Variants in GRIK5 observed in about 807,000 individuals in gnomAD.
The protein encoded by GRIK5 is glutamate receptor ionotropic, kainate 5.
A neutral mutation model predicts 97.4 loss-of-function variants in GRIK5; 43 were observed. That is an observed-to-expected ratio of 0.44 (90% CI 0.35 to 0.57). The LOEUF (loss-of-function observed/expected upper bound fraction) is 0.57, where lower values mean the gene tolerates loss of function less well. GRIK5 is among the 20% of genes least tolerant of loss of function. The pLI, the probability that GRIK5 is intolerant of heterozygous loss-of-function variation, is 0.01. For missense variants in GRIK5, 1,015 were observed against 1,382.0 expected, an observed-to-expected ratio of 0.73 and a Z score of 4.21; for synonymous variants, 580 against 583.5, an observed-to-expected ratio of 0.99 and a Z score of 0.09.
intron 12 of GRIK5, among the ~76,000 whole-genome samples, chr19:42,035,233 G>A (rs900770245): frequency 4.6e-5 from 7 of 151,624 alleles, no homozygotes; most frequent in Non-Finnish European, 1.0e-4. Context: ...CGCCCACCTC[G>A]GCCTCCCAAA....
At chr19:42,036,857 C>T (rs894098591) in intron 12 of GRIK5, among the ~76,000 whole-genome samples, 1 of 152,206 alleles carries the variant, frequency 6.6e-6, no homozygotes, top group East Asian at 1.9e-4. Flanking sequence ...TGGGTATTGT[C>T]TTGGTCATGC....
At chr19:42,051,370 G>C (rs1437425715) in intron 11 of GRIK5, among the ~76,000 whole-genome samples, 1 of 151,980 alleles carries the variant, frequency 6.6e-6, no homozygotes, top group Admixed American at 6.5e-5. Context: ...AGAGGCCCTC[G>C]CTCCCACACC....
intron 11 of GRIK5, among the ~76,000 whole-genome samples, chr19:42,048,713 G>T (rs1396960676): frequency 1.3e-5 from 2 of 151,974 alleles, no homozygotes; most frequent in Non-Finnish European, 2.9e-5. Flanking sequence ...AAAAAGACAT[G>T]AATAGGAACC....
chr19:42,015,654 A>G (rs979769772), intron 15 of GRIK5, among the ~76,000 whole-genome samples: 1 of 152,196 alleles, frequency 6.6e-6, no homozygotes, highest in Non-Finnish European at 1.5e-5. Flanking sequence ...GGCACACAGC[A>G]AGTGCTATGC....
intron 11 of GRIK5, among the ~76,000 whole-genome samples, chr19:42,047,753 TGAGGTCAGGAGTTCAAGA>T (rs1366624109): frequency 1.3e-5 from 2 of 151,944 alleles, no homozygotes; most frequent in East Asian, 3.9e-4. Context: ...GTGGATTACT[TGAGGTCAGGAGTTCAAGA>T]CCAGCCTGGC....
In GRIK5 at chr19:42,006,708, C is replaced by T. The variant is rs1447458663; in HGVS notation, c.1974G>A (p.Leu658=). The part of the protein sequence containing the change: ...MEVPVESADD[L]ADQTNIEYGT... ...CATACTCGATGTTGGTCTGATCTGC[C>T]AGGTCATCGGCCGACTCCACAGGCA... Residue 658 remains leucine (L), a synonymous_variant, in exon 16 of 20, where the codon CTG becomes CTA. Transcript: ENST00000593562. The surrounding 1 kb of genome is among the most constrained non-coding windows in gnomAD (Gnocchi z 5.3). The T allele has an allele frequency of 2.5e-6, 4 of 1,613,958 alleles. No individual in the cohort carries two copies. Among genetic ancestry groups the T allele is most frequent in the Non-Finnish European group, 3.4e-6 (4 of 1,180,006 alleles).
chr19:42,019,232 C>T (rs1487404744), intron 15 of GRIK5, among the ~76,000 whole-genome samples: 2 of 152,062 alleles, frequency 1.3e-5, no homozygotes, highest in African/African-American at 4.8e-5. Context: ...GTCTCCTAGG[C>T]GCCCTCCCAG....
chr19:42,049,612 C>T (rs1441100499), intron 11 of GRIK5, among the ~76,000 whole-genome samples: 2 of 152,086 alleles, frequency 1.3e-5, no homozygotes, highest in Non-Finnish European at 2.9e-5. Context: ...GGGGGTTAGC[C>T]TTGGAGGGTT....
intron 6 of GRIK5, among the ~76,000 whole-genome samples, chr19:42,057,306 CACTTAGA>C (rs1408253617): frequency 6.6e-6 from 1 of 151,914 alleles, no homozygotes; most frequent in Non-Finnish European, 1.5e-5. Flanking sequence ...CTCATGAAGG[CACTTAGA>C]AGATTTCCTT....
At chr19:42,043,340 G>C (rs894622510) in intron 11 of GRIK5, among the ~76,000 whole-genome samples, 30 of 151,964 alleles carry the variant, frequency 2.0e-4, no homozygotes, top group Non-Finnish European at 3.7e-4. Flanking sequence ...CCCTCACCAG[G>C]GTTTAGCTCC....
rs2075483032 is a variant in GRIK5, at chr19:42,005,865, C to T, written c.2121G>A (p.Glu707=). Residue 707 remains glutamate (E), a synonymous_variant, in exon 17 of 20, where the codon GAG becomes GAA. Coordinates refer to ENST00000593562, the MANE Select transcript of GRIK5 (RefSeq NM_002088.5). ...GGGAGTTGAGGACGCGGGCAATGCC[C>T]TCTTCTGTGCTCTTGACGAACACGC... ...QPSVFVKSTE[E]GIARVLNSRY... 6.2e-7 allele frequency: 1 copy of T among 1,611,364 alleles called. No homozygotes were observed. The highest frequency in any genetic ancestry group is 1.3e-5 in the African/African-American group (1 of 74,878).
intron 8 of GRIK5, among the ~76,000 whole-genome samples, chr19:42,054,734 G>T (rs1003724378): frequency 3.3e-5 from 5 of 152,190 alleles, no homozygotes; most frequent in Non-Finnish European, 5.9e-5. Flanking sequence ...ATCTCTCAGA[G>T]GGTGCCTGGA....
chr19:42,044,919 T>C (rs1244384668), intron 11 of GRIK5, among the ~76,000 whole-genome samples: 1 of 152,222 alleles, frequency 6.6e-6, no homozygotes, highest in Non-Finnish European at 1.5e-5. Flanking sequence ...GCCTGGGAGA[T>C]GGAGCGAGAC....
intron 15 of GRIK5, among the ~76,000 whole-genome samples, chr19:42,013,607 T>C (rs1452923567): frequency 6.6e-6 from 1 of 151,962 alleles, no homozygotes; most frequent in Non-Finnish European, 1.5e-5. Context: ...AGACAGGGTT[T>C]CACCATGTTA....
At chr19:42,017,191 T>G (rs1251294343) in intron 15 of GRIK5, among the ~76,000 whole-genome samples, 1 of 152,226 alleles carries the variant, frequency 6.6e-6, no homozygotes, top group Non-Finnish European at 1.5e-5. Context: ...ATTTGTCAAC[T>G]ATTTCGATGT....
Position 42,003,305 on chromosome 19 carries a change from G to GGCCCCCCCCCCCCCCC in GRIK5, c.2514+26_2514+27insGGGGGGGGGGGGGGGC. On this transcript the variant is annotated intron_variant, in intron 19 of 19. Coordinates refer to ENST00000593562, the MANE Select transcript of GRIK5 (RefSeq NM_002088.5). This position sits in a 1 kb window ranked among gnomAD's most constrained non-coding sequence, Gnocchi z 4.2. ...TCAGCCCCTGGGGGTCCCTGTTCCT[G>GGCCCCCCCCCCCCCCC]CCCACCCCCACCCCCAGCCTCCTCA... is the stretch of plus-strand genomic sequence containing the variant. The GGCCCCCCCCCCCCCCC allele has an allele frequency of 1.3e-6, 2 of 1,540,746 alleles. No individual in the cohort carries two copies. The highest frequency in any genetic ancestry group is 1.8e-6 in the Non-Finnish European group (2 of 1,118,206).
chr19:42,066,874 G>C (rs2076340770), intron 1 of GRIK5, among the ~76,000 whole-genome samples: 1 of 152,080 alleles, frequency 6.6e-6, no homozygotes, highest in Admixed American at 6.5e-5. Context: ...GAAGGGAGGA[G>C]TGAGTAAGGC....
Position 42,021,230 on chromosome 19 carries a change from C to G in GRIK5, c.1871+71G>C. On this transcript the variant is annotated intron_variant, in intron 15 of 19. Transcript: ENST00000593562. The surrounding 1 kb of genome is among the most constrained non-coding windows in gnomAD (Gnocchi z 4.2). ...TCAAATCTTCCAGGAGATGCCACAGCCCCAACCCCATCCAGGCCTCAGATG... is the reference window on the plus strand; with the variant it reads ...TCAAATCTTCCAGGAGATGCCACAGGCCCAACCCCATCCAGGCCTCAGATG... 1 of 1,281,332 alleles carries G rather than the reference C, an allele frequency of 7.8e-7. No homozygotes were observed. The highest frequency in any genetic ancestry group is 1.4e-5 in the South Asian group (1 of 74,046). The allele number at this position is 1,281,332 out of a possible 1,614,324, so 79.4% of individuals were successfully genotyped here. A position where few individuals can be genotyped will look rare whatever the true frequency, so the allele number is the denominator to read the frequency against.
Position 42,022,049 on chromosome 19 carries a change from T to C in GRIK5, c.1595A>G (p.Lys532Arg). ...GTCCAGGAAGGAGAAGTAGCCAGGC[T>C]TGCGGCCCTGTGGGGAGAGGGAGTG... ...SILYRVHMGR[K>R]PGYFSFLDPF... Residue 532 changes from lysine (K) to arginine (R), a missense_variant, in exon 14 of 20, where the codon AAG (lysine) becomes AGG (arginine). Lys to Arg is a conservative substitution (Grantham distance 26). Around this residue, in one of 5 missense-constraint regions of GRIK5, gnomAD observed 477 missense variants for 701.1 expected, o/e 0.68. Coordinates refer to ENST00000593562, the MANE Select transcript of GRIK5 (RefSeq NM_002088.5). This position sits in a 1 kb window ranked among gnomAD's most constrained non-coding sequence, Gnocchi z 4.2. 1 of 1,611,680 alleles carries C rather than the reference T, an allele frequency of 6.2e-7. No individual in the cohort carries two copies. The highest frequency in any genetic ancestry group is 8.5e-7 in the Non-Finnish European group (1 of 1,178,324).
Sources: allele counts gnomAD v4.1 joint callset (sites outside exome capture counted in the v4.1 genomes callset), GRCh38; gene constraint gnomAD v4.1.1; regional missense constraint gnomAD v4.1.1; non-coding constraint Gnocchi (gnomAD v3.1); transcripts MANE v1.5; gene names NCBI Gene and HGNC (gene_info 2026-07-23, HGNC 2026-07-21).